Variants in TOP2B observed in about 807,000 individuals in gnomAD.
The protein encoded by TOP2B is DNA topoisomerase 2-beta.
A neutral mutation model predicts 193.5 loss-of-function variants in TOP2B; 51 were observed. That is an observed-to-expected ratio of 0.26 (90% CI 0.21 to 0.33). TOP2B has a LOEUF of 0.33. Ranked by LOEUF, TOP2B falls within the 10% of genes least tolerant of loss-of-function variation. TOP2B has a pLI of 1.00. For synonymous variants in TOP2B, 634 were observed against 635.7 expected, an observed-to-expected ratio of 1.00 and a Z score of 0.04; for missense variants, 1,378 against 1,909.3, an observed-to-expected ratio of 0.72 and a Z score of 5.19.
intron 1 of TOP2B, among the ~76,000 whole-genome samples, chr3:25,645,963 G>T (rs1163383408): frequency 6.7e-6 from 1 of 149,500 alleles, no homozygotes; most frequent in Non-Finnish European, 1.5e-5. Flanking sequence ...TAGAGACAAG[G>T]TTTCACCATG....
Position 25,636,130 on chromosome 3 carries a change from T to A in TOP2B, c.658A>T (p.Met220Leu), listed in dbSNP as rs2125385481. Residue 220 changes from methionine to leucine, a missense_variant, in exon 7 of 36, where the codon ATG becomes TTG. Met to Leu is a conservative substitution (Grantham distance 15, BLOSUM62 2). This residue lies in a region of TOP2B where 222 missense variants were observed against 306.6 expected (regional missense o/e 0.72). Coordinates refer to ENST00000264331, the MANE Select transcript of TOP2B (RefSeq NM_001330700.2). ...SFKQTWMNNMMKTSEAKIKHF... is the reference protein window; with the variant it reads ...SFKQTWMNNMLKTSEAKIKHF... ...TTAATTTTGGCTTCAGAAGTCTTCATCATATTATTCATCCATGTCTTTAAA... is the reference window on the plus strand; with the variant it reads ...TTAATTTTGGCTTCAGAAGTCTTCAACATATTATTCATCCATGTCTTTAAA... 1 of 1,587,632 alleles carries A rather than the reference T, an allele frequency of 6.3e-7. No homozygotes were observed. The highest frequency in any genetic ancestry group is 2.3e-5 in the East Asian group (1 of 43,998).
chr3:25,645,945 A>ATT (rs1703402972), intron 1 of TOP2B, among the ~76,000 whole-genome samples: 1 of 111,062 alleles, frequency 9.0e-6, no homozygotes, highest in Non-Finnish European at 1.9e-5. Context: ...TTTTTTTTGT[A>ATT]TTTTTAGTAG....
rs987958981 is a variant in TOP2B at position 25,600,999 on chromosome 3, A to C, written c.4615+101T>G. ...TTACTGAGGAGTAAAGCAATTTAAA[A>C]CAAAATAGATACCTAGCCTCTCTAA... is the stretch of plus-strand genomic sequence containing the variant. On this transcript the variant is annotated intron_variant, in intron 34 of 35. Coordinates refer to ENST00000264331, the MANE Select transcript of TOP2B (RefSeq NM_001330700.2). 3 of 1,330,656 alleles carry C rather than the reference A, an allele frequency of 2.3e-6. No individual in the cohort carries two copies. In the African/African-American group the frequency reaches 4.4e-5, roughly 20 times the overall value. 82.4% of individuals were successfully genotyped at this position (1,330,656 alleles called of 1,614,324 possible). A position where few individuals can be genotyped will look rare whatever the true frequency, so the allele number is the denominator to read the frequency against.
chr3:25,625,022 C>T (rs1039946596), intron 18 of TOP2B: 11 of 355,200 alleles, frequency 3.1e-5, no homozygotes, highest in Admixed American at 1.8e-4. Context: ...TTTATGCCAT[C>T]TCCATCTACT....
In TOP2B at chr3:25,612,655, T is replaced by C. The variant is rs1441005998; in HGVS notation, c.3646A>G (p.Ile1216Val). Reference sequence around the variant, plus strand: ...TTAGGTTTGCCAACTTTACCTTTAATTGCTTTTCCAGACATTCCAGCCAGA... The same window carrying C: ...TTAGGTTTGCCAACTTTACCTTTAACTGCTTTTCCAGACATTCCAGCCAGA... ...DVLAGMSGKAIKGKVGKPKVK... is the reference protein window; with the variant it reads ...DVLAGMSGKAVKGKVGKPKVK... The change falls in exon 28 of 36, where the codon ATT (isoleucine) becomes GTT (valine). Residue 1216 changes from isoleucine (I) to valine (V), a missense_variant. Ile to Val is a conservative substitution (Grantham distance 29). Transcript: ENST00000264331. 3 of 1,613,718 alleles carry C rather than the reference T, an allele frequency of 1.9e-6. No individual in the cohort carries two copies. The highest frequency in any genetic ancestry group is 1.7e-6 in the Non-Finnish European group (2 of 1,179,714).
At chr3:25,664,120 T>A (rs1260454148) in intron 1 of TOP2B, 109 bp downstream of exon 1, 29 of 1,486,642 alleles carry the variant, frequency 2.0e-5, no homozygotes, top group Non-Finnish European at 2.6e-5. Flanking sequence ...GAGCGCCCGT[T>A]CGGGGGACGG....
At position 25,618,489 on chromosome 3, in the gene TOP2B, A is replaced by G; in HGVS notation, c.3280T>C (p.Leu1094=). Residue 1094 remains leucine (L), a synonymous_variant, in exon 25 of 36, where the codon TTG becomes CTG. Coordinates refer to ENST00000264331, the MANE Select transcript of TOP2B (RefSeq NM_001330700.2). The stretch of plus-strand genomic sequence containing the variant: ...CCTCTCTGGACTAACATTTGAATCA[A>G]ATCTTTCTTTGACCTATTCTCTATG... The part of the protein sequence containing the change: ...ITIENRSKKD[L]IQMLVQRGYE... The G allele has an allele frequency of 6.2e-7, 1 of 1,612,580 alleles. No homozygotes were observed.
intron 7 of TOP2B, among the ~76,000 whole-genome samples, chr3:25,634,748 G>A (rs1201621439): frequency 7.2e-6 from 1 of 138,456 alleles, no homozygotes; most frequent in Non-Finnish European, 1.5e-5. Flanking sequence ...AGTAGTCACT[G>A]GGAAATCAAC....
intron 33 of TOP2B, among the ~76,000 whole-genome samples, chr3:25,604,231 A>G (rs1702178836): frequency 6.6e-6 from 1 of 152,182 alleles, no homozygotes; most frequent in Non-Finnish European, 1.5e-5. Flanking sequence ...TCATCCTTCA[A>G]ACACAAAGCA....
Position 25,609,620 on chromosome 3 carries a change from T to C in TOP2B, c.3879A>G (p.Pro1293=), listed in dbSNP as rs771925316. Residue 1293 remains proline (P), a synonymous_variant, in exon 29 of 36, where the codon CCA becomes CCG. Transcript: ENST00000264331. ...VEGAGEEALT[P]SVPINKGPKP... ...TGGGACCTTTATTTATAGGAACTGA[T>C]GGAGTCAATGCCTCTTCTCCTGCAC... 1.3e-6 allele frequency: 2 copies of C among 1,592,290 alleles called. No homozygotes were observed. Among genetic ancestry groups the C allele is most frequent in the African/African-American group, 2.7e-5 (2 of 74,396 alleles).
At chr3:25,602,575 C>G (rs1702134244) in intron 33 of TOP2B, among the ~76,000 whole-genome samples, 1 of 151,828 alleles carries the variant, frequency 6.6e-6, no homozygotes, top group African/African-American at 2.4e-5. Flanking sequence ...AAATAAGGCC[C>G]CTCGTTAGCC....
At chr3:25,613,321 T>A (rs1271701187) in intron 27 of TOP2B, among the ~76,000 whole-genome samples, 1 of 152,172 alleles carries the variant, frequency 6.6e-6, no homozygotes, top group South Asian at 2.1e-4. Flanking sequence ...GACATTTCTT[T>A]AGAGATTTTT....
In TOP2B at chr3:25,644,264, A is replaced by T. The variant is rs183144281; in HGVS notation, c.241-480T>A. Among the ~76,000 whole-genome samples the T allele has an allele frequency of 9.8e-5, 15 of 152,310 alleles. No homozygotes were observed. In the East Asian group the frequency reaches 2.5e-3, roughly 25 times the overall value. On this transcript the variant is annotated intron_variant, in intron 2 of 35. Coordinates refer to ENST00000264331, the MANE Select transcript of TOP2B (RefSeq NM_001330700.2). ...CTTCCCTTTCTTCATCTATAGAGAT[A>T]ACAGTACCTACTTCCCAAAATGGTT... is the stretch of plus-strand genomic sequence containing the variant.
chr3:25,607,612 A>G (rs2067120), intron 30 of TOP2B, among the ~76,000 whole-genome samples: 22,164 of 152,148 alleles, frequency 0.15, 1,869 homozygotes, highest in East Asian at 0.19. Context: ...ATGTTAGGAG[A>G]GCATAAACTA....
intron 4 of TOP2B, among the ~76,000 whole-genome samples, chr3:25,638,735 TA>T (rs1395147026): frequency 6.6e-6 from 1 of 152,130 alleles, no homozygotes; most frequent in Non-Finnish European, 1.5e-5. Flanking sequence ...TTGGCATCCT[TA>T]ACATTCTCTA....
chr3:25,629,222 C>T (rs1575574804), intron 13 of TOP2B, 77 bp from the exon 14 acceptor site: 5 of 1,102,296 alleles, frequency 4.5e-6, no homozygotes, highest in East Asian at 2.8e-5. Context: ...AATTTTAAAA[C>T]GTGAATGCAA....
At position 25,659,584 on chromosome 3, in the gene TOP2B, C is replaced by T. The variant is rs76620109; in HGVS notation, c.69+4645G>A. 2.5e-3 allele frequency among the ~76,000 whole-genome samples: 387 copies of T among 152,116 alleles called. 2 individuals are homozygous for T. Among genetic ancestry groups the T allele is most frequent in the African/African-American group, 8.9e-3 (368 of 41,488 alleles). On this transcript the variant is annotated intron_variant, in intron 1 of 35. Coordinates refer to ENST00000264331, the MANE Select transcript of TOP2B (RefSeq NM_001330700.2). ...AACTAAGGTTGGGATAAGTGTTTTC[C>T]CAAAGCTAACAAAACTAGTACTTGA... is the stretch of plus-strand genomic sequence containing the variant.
Position 25,632,674 on chromosome 3 carries a change from T to C in TOP2B, c.1128+19A>G, listed in dbSNP as rs1702994782. 2 of 1,608,782 alleles carry C rather than the reference T, an allele frequency of 1.2e-6. No homozygotes were observed. Among genetic ancestry groups the C allele is most frequent in the East Asian group, 4.5e-5 (2 of 44,780 alleles). On this transcript the variant is annotated intron_variant, in intron 9 of 35. Coordinates refer to ENST00000264331, the MANE Select transcript of TOP2B (RefSeq NM_001330700.2). ...ATGCATATGTATGCATCATGTACAA[T>C]ATATAACACATCCCTTACTTGAAAT...
chr3:25,606,068 A>C lies in TOP2B; in HGVS notation c.4353T>G (p.Pro1451=). The change falls in exon 32 of 36, where the codon CCT becomes CCG. Residue 1451 remains proline, a synonymous_variant. Coordinates refer to ENST00000264331, the MANE Select transcript of TOP2B (RefSeq NM_001330700.2). The part of the protein sequence containing the change: ...SQDFGNLFSF[P]SYSQKSEDDS... ...CATCTTCTGACTTCTGAGAATATGA[A>C]GGAAATGAGAAGAGATTTCCAAAAT... 1 of 1,505,346 alleles carries C rather than the reference A, an allele frequency of 6.6e-7. No homozygotes were observed. The highest frequency in any genetic ancestry group is 8.9e-7 in the Non-Finnish European group (1 of 1,118,984). The allele number at this position is 1,505,346 out of a possible 1,614,324, so 93.2% of individuals were successfully genotyped here.
Sources: allele counts gnomAD v4.1 joint callset (sites outside exome capture counted in the v4.1 genomes callset), GRCh38; gene constraint gnomAD v4.1.1; regional missense constraint gnomAD v4.1.1; transcripts MANE v1.5; gene names NCBI Gene and HGNC (gene_info 2026-07-23, HGNC 2026-07-21).